The following SCUBE3 variants were observed in gnomAD, a reference collection of about 807,000 sequenced individuals.
SCUBE3 encodes the protein signal peptide, CUB and EGF-like domain-containing protein 3.
Under a neutral mutation model 116.8 loss-of-function variants are expected in SCUBE3, and 33 were observed. That is an observed-to-expected ratio of 0.28 (90% confidence interval 0.21 to 0.38). SCUBE3 has a LOEUF of 0.38. Among genes scored for constraint, SCUBE3 ranks in the 10% least tolerant of loss-of-function variants. The pLI is 1.00. For missense variants in SCUBE3, 1,007 were observed against 1,324.8 expected, an observed-to-expected ratio of 0.76 and a Z score of 3.72; for synonymous variants, 418 against 496.9, an observed-to-expected ratio of 0.84 and a Z score of 2.11.
At chr6:35,246,408 G>T in intron 21 of SCUBE3, 123 bp downstream of exon 21, 1 of 727,022 alleles carries the variant, frequency 1.4e-6, no homozygotes, top group Non-Finnish European at 2.3e-6. Flanking sequence ...TATGAGGTAG[G>T]TGCTTTCTCC....
chr6:35,228,938 T>C lies in SCUBE3; in HGVS notation c.334+199T>C, dbSNP rs1463967006. On this transcript the variant is annotated intron_variant, in intron 3 of 21. Transcript: ENST00000274938. This position sits in a 1 kb window ranked among gnomAD's most constrained non-coding sequence, Gnocchi z 4.9. The stretch of plus-strand genomic sequence containing the variant: ...GGATGAAAAACATTAGAGGAAAAGC[T>C]GCTACGAAATGCTCCTAGGGCAAGG... 6.6e-6 allele frequency among the ~76,000 whole-genome samples: 1 copy of C among 152,152 alleles called. No individual in the cohort carries two copies. Among genetic ancestry groups the C allele is most frequent in the Middle Eastern group, 3.2e-3 (1 of 316 alleles).
chr6:35,222,974 T>C (rs1346300796), intron 1 of SCUBE3: 1 of 152,162 alleles, frequency 6.6e-6, no homozygotes, highest in Non-Finnish European at 1.5e-5. Flanking sequence ...GTCGTTCAAA[T>C]CCAGGAGTTC....
chr6:35,244,793 A>G lies in SCUBE3; in HGVS notation c.2383A>G (p.Ser795Gly). ...NTSTDFDGST[S>G]VAQCKNRQCG... Reference sequence around the variant, plus strand: ...AAGCACAGACTTTGATGGCTCTACCAGTGTGGCCCAATGCAAGAGTACGTG... The same window carrying G: ...AAGCACAGACTTTGATGGCTCTACCGGTGTGGCCCAATGCAAGAGTACGTG... The change falls in exon 18 of 22, where the codon AGT becomes GGT. Residue 795 changes from serine to glycine, a missense_variant. By Grantham distance (56) the Ser-to-Gly change is moderately conservative. This residue lies in a region of SCUBE3 where 544 missense variants were observed against 638.9 expected (regional missense o/e 0.85). Coordinates refer to ENST00000274938, the MANE Select transcript of SCUBE3 (RefSeq NM_152753.4). The surrounding 1 kb of genome is among the most constrained non-coding windows in gnomAD (Gnocchi z 4.3). 1 of 1,614,218 alleles carries G rather than the reference A, an allele frequency of 6.2e-7. No homozygotes were observed.
chr6:35,224,228 T>G (rs1192996453), intron 1 of SCUBE3: 1 of 152,218 alleles, frequency 6.6e-6, no homozygotes, highest in African/African-American at 2.4e-5. Context: ...AGATAATGTC[T>G]TCCAGAGCAG....
In SCUBE3 at chr6:35,228,387, GA is replaced by G. The variant is rs1335460287; in HGVS notation, c.209-220del. On this transcript the variant is annotated intron_variant, in intron 2 of 21. Coordinates refer to ENST00000274938, the MANE Select transcript of SCUBE3 (RefSeq NM_152753.4). This position sits in a 1 kb window ranked among gnomAD's most constrained non-coding sequence, Gnocchi z 4.9. ...AGAAATCTAAATCTCTAACAATAGA[GA>G]AAAAAATAGAAAAATAATATTCTGC... 2.6e-5 allele frequency among the ~76,000 whole-genome samples: 4 copies of G among 151,958 alleles called. No homozygotes were observed. Among genetic ancestry groups the G allele is most frequent in the East Asian group, 1.9e-4 (1 of 5,196 alleles).
At position 35,235,379 on chromosome 6, in the gene SCUBE3, T is replaced by C. The variant is rs1783725499; in HGVS notation, c.712+2078T>C. ...GTGGGGAGGAGAGGGTGGGGAGGGG[T>C]CCGGGGCCAGAGGGCCACAGTGGCT... On this transcript the variant is annotated intron_variant, in intron 6 of 21. Coordinates refer to ENST00000274938, the MANE Select transcript of SCUBE3 (RefSeq NM_152753.4). The surrounding 1 kb of genome is among the most constrained non-coding windows in gnomAD (Gnocchi z 4.5). The C allele has an allele frequency of 2.6e-6, 2 of 763,166 alleles. No individual in the cohort carries two copies. The highest frequency in any genetic ancestry group is 1.4e-5 in the South Asian group (1 of 70,060). The allele number at this position is 763,166 out of a possible 1,614,324, so 47.3% of individuals were successfully genotyped here.
chr6:35,227,829 T>G (rs1581918690), intron 2 of SCUBE3, 127 bp downstream of exon 2: 34 of 877,718 alleles, frequency 3.9e-5, no homozygotes, highest in Middle Eastern at 3.0e-4. Context: ...GGTGGGGGGG[T>G]GGTGAGGGGG....
At position 35,246,245 on chromosome 6, in the gene SCUBE3, G is replaced by A; in HGVS notation, c.2792G>A (p.Gly931Asp). 1 of 1,614,092 alleles carries A rather than the reference G, an allele frequency of 6.2e-7. No individual in the cohort carries two copies. Among genetic ancestry groups the A allele is most frequent in the Non-Finnish European group, 8.5e-7 (1 of 1,179,950 alleles). Residue 931 changes from glycine (G) to aspartate (D), a missense_variant, in exon 21 of 22, where the codon GGC becomes GAC. By Grantham distance (94) the Gly-to-Asp change is moderately conservative (BLOSUM62 -1). Coordinates refer to ENST00000274938, the MANE Select transcript of SCUBE3 (RefSeq NM_152753.4). Reference protein sequence around the residue: ...EQLVEDIVRDGRLYASENHQE... With the variant: ...EQLVEDIVRDDRLYASENHQE... ...CTGGTAGAAGACATTGTGCGAGATG[G>A]CCGGCTCTATGCCTCTGAAAACCAC...
Position 35,244,584 on chromosome 6 carries a change from C to A in SCUBE3, c.2240-66C>A. On this transcript the variant is annotated intron_variant, in intron 17 of 21. Coordinates refer to ENST00000274938, the MANE Select transcript of SCUBE3 (RefSeq NM_152753.4). The surrounding 1 kb of genome is among the most constrained non-coding windows in gnomAD (Gnocchi z 4.3). The stretch of plus-strand genomic sequence containing the variant: ...TTCTCCAGGATGAATGTATCCTGTC[C>A]ATCCCATGCCCCGTAACTCCCACCT... 7.8e-7 allele frequency: 1 copy of A among 1,284,528 alleles called. No homozygotes were observed. The highest frequency in any genetic ancestry group is 1.1e-6 in the Non-Finnish European group (1 of 888,026). The allele number at this position is 1,284,528 out of a possible 1,614,324, so 79.6% of individuals were successfully genotyped here.
Position 35,241,293 on chromosome 6 carries a change from G to A in SCUBE3, c.1195+27G>A. The A allele has an allele frequency of 6.3e-7, 1 of 1,574,850 alleles. No individual in the cohort carries two copies. The highest frequency in any genetic ancestry group is 8.7e-7 in the Non-Finnish European group (1 of 1,154,448). ...TGGGCAGTGCCCTCTGCTGGCCAAA[G>A]ATGACACTGCCATTTCAGGGAGCAG... On this transcript the variant is annotated intron_variant, in intron 10 of 21. Transcript: ENST00000274938. The surrounding 1 kb of genome is among the most constrained non-coding windows in gnomAD (Gnocchi z 4.1).
chr6:35,245,843 C>G lies in SCUBE3; in HGVS notation c.2600-101C>G. ...AGGGGGAGCCTTTGTCAGAATGATT[C>G]TCTTGCCCTATACCCCCACCACCAG... On this transcript the variant is annotated intron_variant, in intron 19 of 21. Transcript: ENST00000274938. The surrounding 1 kb of genome is among the most constrained non-coding windows in gnomAD (Gnocchi z 4.2). The G allele has an allele frequency of 1.6e-6, 2 of 1,245,276 alleles. No homozygotes were observed. The highest frequency in any genetic ancestry group is 2.3e-6 in the Non-Finnish European group (2 of 877,540). 77.1% of individuals were successfully genotyped at this position (1,245,276 alleles called of 1,614,324 possible).
At position 35,231,580 on chromosome 6, in the gene SCUBE3, G is replaced by A; in HGVS notation, c.335-145G>A. The A allele has an allele frequency of 1.7e-6, 1 of 574,260 alleles. No homozygotes were observed. The highest frequency in any genetic ancestry group is 1.9e-5 in the African/African-American group (1 of 52,744). 35.6% of individuals were successfully genotyped at this position (574,260 alleles called of 1,614,324 possible). A position where few individuals can be genotyped will look rare whatever the true frequency, so the allele number is the denominator to read the frequency against. On this transcript the variant is annotated intron_variant, in intron 3 of 21. Transcript: ENST00000274938. The surrounding 1 kb of genome is among the most constrained non-coding windows in gnomAD (Gnocchi z 4.2). Reference sequence around the variant, plus strand: ...CCTTTTTACACTTAGTGAAATATTAGCTGACAAGGGTGTGAGGACTTCCTG... The same window carrying A: ...CCTTTTTACACTTAGTGAAATATTAACTGACAAGGGTGTGAGGACTTCCTG...
In SCUBE3 at chr6:35,232,835, T is replaced by C; in HGVS notation, c.470-15T>C. On this transcript the variant is annotated splice_polypyrimidine_tract_variant and intron_variant, in intron 4 of 21. Coordinates refer to ENST00000274938, the MANE Select transcript of SCUBE3 (RefSeq NM_152753.4). The surrounding 1 kb of genome is among the most constrained non-coding windows in gnomAD (Gnocchi z 4.2). ...CAGGGGTACAGAGCATTCACACCCC[T>C]TTCTTCTCTTTTAGAAGGAATGAAT... The C allele has an allele frequency of 1.2e-6, 2 of 1,607,996 alleles. No individual in the cohort carries two copies. Among genetic ancestry groups the C allele is most frequent in the Non-Finnish European group, 1.7e-6 (2 of 1,176,330 alleles).
In SCUBE3 at chr6:35,235,585, G is replaced by A; in HGVS notation, c.712+2284G>A. On this transcript the variant is annotated intron_variant, in intron 6 of 21. Coordinates refer to ENST00000274938, the MANE Select transcript of SCUBE3 (RefSeq NM_152753.4). The surrounding 1 kb of genome is among the most constrained non-coding windows in gnomAD (Gnocchi z 4.5). ...CTCCCACTAACTGCATGCCCACTGG[G>A]CCCAGCCTGACTGGGCCCCAACTTG... is the stretch of plus-strand genomic sequence containing the variant. The A allele has an allele frequency of 5.9e-6, 4 of 678,300 alleles. No individual in the cohort carries two copies. Among genetic ancestry groups the A allele is most frequent in the South Asian group, 4.5e-5 (3 of 66,234 alleles). The allele number at this position is 678,300 out of a possible 1,614,324, so 42.0% of individuals were successfully genotyped here.
chr6:35,244,605 C>T lies in SCUBE3; in HGVS notation c.2240-45C>T. ...TGTCCATCCCATGCCCCGTAACTCC[C>T]ACCTGCCTACCATCTTGATTCCTGC... On this transcript the variant is annotated intron_variant, in intron 17 of 21. Transcript: ENST00000274938. The surrounding 1 kb of genome is among the most constrained non-coding windows in gnomAD (Gnocchi z 4.3). 1 of 1,563,568 alleles carries T rather than the reference C, an allele frequency of 6.4e-7. No individual in the cohort carries two copies. Among genetic ancestry groups the T allele is most frequent in the Middle Eastern group, 1.7e-4 (1 of 5,950 alleles).
In SCUBE3 at chr6:35,243,344, C is replaced by G; in HGVS notation, c.1909+108C>G. On this transcript the variant is annotated intron_variant, in intron 15 of 21. Coordinates refer to ENST00000274938, the MANE Select transcript of SCUBE3 (RefSeq NM_152753.4). This position sits in a 1 kb window ranked among gnomAD's most constrained non-coding sequence, Gnocchi z 6.6. The stretch of plus-strand genomic sequence containing the variant: ...ATGCATTTCTCAAATTATGAGGCAG[C>G]CAGGATGCTCCTGCCCGCTGTCCTC... 1 of 996,070 alleles carries G rather than the reference C, an allele frequency of 1.0e-6. No homozygotes were observed. Among genetic ancestry groups the G allele is most frequent in the Non-Finnish European group, 1.5e-6 (1 of 662,202 alleles). 61.7% of individuals were successfully genotyped at this position (996,070 alleles called of 1,614,324 possible). A position where few individuals can be genotyped will look rare whatever the true frequency, so the allele number is the denominator to read the frequency against.
chr6:35,248,486 C>G, intron 21 of SCUBE3, 70 bp from the exon 22 acceptor site: 1 of 1,468,558 alleles, frequency 6.8e-7, no homozygotes, highest in Non-Finnish European at 9.6e-7. Context: ...AGAAGGGCTG[C>G]TGAGTCATGG....
intron 6 of SCUBE3, among the ~76,000 whole-genome samples, chr6:35,234,071 A>G (rs960603918): frequency 2.0e-5 from 3 of 152,116 alleles, no homozygotes; most frequent in Non-Finnish European, 2.9e-5. Context: ...GGTACCCTAG[A>G]TGAGTTTAAT....
rs1375972507 is a variant in SCUBE3, at chr6:35,232,739, C to T, written c.470-111C>T. 14 of 1,100,500 alleles carry T rather than the reference C, an allele frequency of 1.3e-5. No individual in the cohort carries two copies. The East Asian group carries it at 1.4e-4, about 11-fold the overall frequency. The allele number at this position is 1,100,500 out of a possible 1,614,324, so 68.2% of individuals were successfully genotyped here. Reference sequence around the variant, plus strand: ...AGAGTCAGTCCCCTCGTGTTGAATTCAACCTCAGTAGAATTCTCCCAGTTC... The same window carrying T: ...AGAGTCAGTCCCCTCGTGTTGAATTTAACCTCAGTAGAATTCTCCCAGTTC... On this transcript the variant is annotated intron_variant, in intron 4 of 21. Transcript: ENST00000274938. The surrounding 1 kb of genome is among the most constrained non-coding windows in gnomAD (Gnocchi z 4.2).
Sources: allele counts gnomAD v4.1 joint callset (sites outside exome capture counted in the v4.1 genomes callset), GRCh38; gene constraint gnomAD v4.1.1; regional missense constraint gnomAD v4.1.1; non-coding constraint Gnocchi (gnomAD v3.1); transcripts MANE v1.5; gene names NCBI Gene and HGNC (gene_info 2026-07-23, HGNC 2026-07-21).